Variants in WT1 observed in about 807,000 individuals in gnomAD.
The protein encoded by WT1 is WT1 transcription factor.
In WT1, 8 loss-of-function variants were observed where a neutral mutation model predicts 60.8. The ratio of observed to expected loss-of-function variants is 0.13; its 90% CI spans 0.08 to 0.24. The LOEUF (loss-of-function observed/expected upper bound fraction) is 0.24, where lower values mean the gene tolerates loss of function less well. WT1 is among the 10% of genes least tolerant of loss of function. WT1 has a pLI of 1.00. For synonymous variants in WT1, 312 were observed against 297.1 expected, an observed-to-expected ratio of 1.05 and a Z score of -0.52; for missense variants, 568 against 711.8, an observed-to-expected ratio of 0.80 and a Z score of 2.30.
chr11:32,395,042 A>T lies in WT1; in HGVS notation c.1264+1215T>A, dbSNP rs7106429. Among the ~76,000 whole-genome samples, 1,118 of 152,336 alleles carry T rather than the reference A, an allele frequency of 7.3e-3. 12 individuals carry two copies. Among genetic ancestry groups the T allele is most frequent in the African/African-American group, 0.025 (1,059 of 41,568 alleles). ...CACTGGTCCCCTCCTTTTTAGCCTC[A>T]AAGTCTGTGGCCCACTGAGTGCAAA... is the stretch of plus-strand genomic sequence containing the variant. On this transcript the variant is annotated intron_variant, in intron 7 of 9. Transcript: ENST00000452863.
In WT1 at chr11:32,428,037, G is replaced by C. The variant is rs756078681; in HGVS notation, c.806C>G (p.Pro269Arg). 4.4e-6 allele frequency: 7 copies of C among 1,608,782 alleles called. No individual in the cohort carries two copies. The Admixed American group carries it at 1.2e-4, about 27-fold the overall frequency. ...GGTGTGGCAGCCATAGACCGGGGGC[G>C]GCACCGAGTACTGCTGCTCACCTGC... is the stretch of plus-strand genomic sequence containing the variant. The change falls in exon 3 of 10, where the codon CCG becomes CGG. Residue 269 changes from proline to arginine, a missense_variant. This residue lies in a region of WT1 where 523 missense variants were observed against 565.1 expected (regional missense o/e 0.93). Coordinates refer to ENST00000452863, the MANE Select transcript of WT1 (RefSeq NM_024426.6).
chr11:32,392,518 A>G (rs1312517834), intron 8 of WT1, 148 bp downstream of exon 8: 1 of 797,276 alleles, frequency 1.3e-6, no homozygotes, highest in Non-Finnish European at 2.1e-6. Flanking sequence ...AAGAGGAGGA[A>G]CATCTCCAGA....
Position 32,388,836 on chromosome 11 carries a change from C to T in WT1, c.*222G>A. ...TTAACTAACCAGACATTGTTAGCTG[C>T]TTCTCCAGGGCCTGTGAGTCAACTA... On this transcript the variant is annotated 3_prime_UTR_variant, in exon 10 of 10. Coordinates refer to ENST00000452863, the MANE Select transcript of WT1 (RefSeq NM_024426.6). 1.4e-6 allele frequency: 1 copy of T among 721,272 alleles called. No individual in the cohort carries two copies. Among genetic ancestry groups the T allele is most frequent in the Non-Finnish European group, 2.2e-6 (1 of 451,964 alleles). The allele number at this position is 721,272 out of a possible 1,614,324, so 44.7% of individuals were successfully genotyped here. A position where few individuals can be genotyped will look rare whatever the true frequency, so the allele number is the denominator to read the frequency against.
At chr11:32,402,451 C>T (rs1406525237) in intron 5 of WT1, among the ~76,000 whole-genome samples, 1 of 152,248 alleles carries the variant, frequency 6.6e-6, no homozygotes, top group Admixed American at 6.5e-5. Context: ...CAGAATGGTG[C>T]CATGGTGCTG....
intron 1 of WT1, among the ~76,000 whole-genome samples, chr11:32,431,801 G>T (rs1322205856): frequency 6.6e-6 from 1 of 151,860 alleles, no homozygotes; most frequent in Non-Finnish European, 1.5e-5. Context: ...TCACAAACCC[G>T]TCAACCCCCA....
chr11:32,418,334 G>A (rs5030195), intron 3 of WT1, among the ~76,000 whole-genome samples: 14,588 of 151,054 alleles, frequency 0.097, 1,040 homozygotes, highest in African/African-American at 0.2. Flanking sequence ...GTCTTACACC[G>A]CTATGTAAAC....
intron 5 of WT1, among the ~76,000 whole-genome samples, chr11:32,407,242 A>C (rs1287354180): frequency 2.9e-5 from 4 of 138,576 alleles, no homozygotes; most frequent in African/African-American, 1.0e-4. Flanking sequence ...GCTCAGGAAA[A>C]ACAAAAAAAC....
At chr11:32,394,787 G>A (rs1461710926) in intron 7 of WT1, among the ~76,000 whole-genome samples, 2 of 152,230 alleles carry the variant, frequency 1.3e-5, no homozygotes, top group Non-Finnish European at 2.9e-5. Flanking sequence ...AAAGGCTCCA[G>A]TGGGTCTGGG....
At chr11:32,398,161 G>T (rs1412591389) in intron 6 of WT1, among the ~76,000 whole-genome samples, 1 of 152,112 alleles carries the variant, frequency 6.6e-6, no homozygotes. Context: ...GAAAGGCTTG[G>T]GAGTAGGGAG....
At chr11:32,416,363 A>C in intron 5 of WT1, 127 bp downstream of exon 5, 1 of 1,155,308 alleles carries the variant, frequency 8.7e-7, no homozygotes, top group Non-Finnish European at 1.3e-6. Context: ...GGCGGGGGAG[A>C]GAGATTCTTC....
rs1852772014 is a variant in WT1, at chr11:32,419,059, A to G, written c.888-1405T>C. On this transcript the variant is annotated intron_variant, in intron 3 of 9. Coordinates refer to ENST00000452863, the MANE Select transcript of WT1 (RefSeq NM_024426.6). Reference sequence around the variant, plus strand: ...TACTACAATATCCTACATATCAATGAAAAAAAATGATGAGTTTCTCCTGCA... The same window carrying G: ...TACTACAATATCCTACATATCAATGGAAAAAAATGATGAGTTTCTCCTGCA... Among the ~76,000 whole-genome samples, 4 of 152,056 alleles carry G rather than the reference A, an allele frequency of 2.6e-5. No homozygotes were observed. In the South Asian group the frequency reaches 8.3e-4, roughly 32 times the overall value.
In WT1 at chr11:32,416,327, G is replaced by A. The variant is rs549546055; in HGVS notation, c.1016+163C>T. On this transcript the variant is annotated intron_variant, in intron 5 of 9. Transcript: ENST00000452863. ...ACTCCCTCCATTTTGTCCCCAGCAT[G>A]TGTATGATGAATAAGAAGAGGTGGG... Among the ~76,000 whole-genome samples, 10 of 151,898 alleles carry A rather than the reference G, an allele frequency of 6.6e-5. No homozygotes were observed. In the South Asian group the frequency reaches 1.9e-3, roughly 29 times the overall value.
chr11:32,399,866 C>T lies in WT1; in HGVS notation c.1113+82G>A, dbSNP rs1213642011. 4 of 1,452,912 alleles carry T rather than the reference C, an allele frequency of 2.8e-6. No individual in the cohort carries two copies. In the African/African-American group the frequency reaches 5.6e-5, roughly 20 times the overall value. The allele number at this position is 1,452,912 out of a possible 1,614,324, so 90.0% of individuals were successfully genotyped here. On this transcript the variant is annotated intron_variant, in intron 6 of 9. Transcript: ENST00000452863. The stretch of plus-strand genomic sequence containing the variant: ...GAAGAGGCTGCCAGGGCCAAAGAGT[C>T]CATCAGTAAGGAACTAAAGGGCCGG...
At chr11:32,414,955 C>G (rs542547772) in intron 5 of WT1, among the ~76,000 whole-genome samples, 8 of 152,164 alleles carry the variant, frequency 5.3e-5, no homozygotes, top group Admixed American at 2.6e-4. Context: ...AAACTCTTCT[C>G]ATTTTTTTCT....
chr11:32,430,675 A>T (rs1170448019), intron 1 of WT1: 3 of 1,444,234 alleles, frequency 2.1e-6, no homozygotes, highest in Non-Finnish European at 2.7e-6. Context: ...TCCGCACCCC[A>T]GAACTCGGGC....
intron 4 of WT1, among the ~76,000 whole-genome samples, chr11:32,416,982 G>A (rs1238386802): frequency 2.0e-5 from 3 of 152,138 alleles, no homozygotes; most frequent in Admixed American, 6.5e-5. Flanking sequence ...AAAATGAAAA[G>A]TGAGCTCTTT....
Position 32,434,917 on chromosome 11 carries a change from C to T in WT1, c.444G>A (p.Glu148=), listed in dbSNP as rs761166030. The change falls in exon 1 of 10, where the codon GAG becomes GAA. Residue 148 remains glutamate, a synonymous_variant. Coordinates refer to ENST00000452863, the MANE Select transcript of WT1 (RefSeq NM_024426.6). ...GCGGCTCCGCGCCGCCCCAGCTCGG[C>T]TCCTGTTTGATGAAGGAGTGAGGCG... 3.1e-6 allele frequency: 5 copies of T among 1,608,180 alleles called. No homozygotes were observed. In the East Asian group the frequency reaches 1.1e-4, roughly 36 times the overall value.
chr11:32,398,880 G>T (rs1852055344), intron 6 of WT1, among the ~76,000 whole-genome samples: 1 of 151,278 alleles, frequency 6.6e-6, no homozygotes, highest in African/African-American at 2.4e-5. Context: ...GACCGAGCCG[G>T]GCACAGTGGC....
chr11:32,417,763 A>G (rs921929789), intron 3 of WT1, 109 bp from the exon 4 acceptor site: 16 of 887,492 alleles, frequency 1.8e-5, no homozygotes, highest in Non-Finnish European at 2.0e-5. Context: ...AAGCCTCCAC[A>G]TTTTCCAGAA....
Sources: gnomAD v4.1 joint callset for allele counts (sites outside exome capture counted in the v4.1 genomes callset) on GRCh38, gnomAD v4.1.1 for gene constraint, gnomAD v4.1.1 regional missense constraint, MANE v1.5 for transcripts, NCBI Gene and HGNC (gene_info 2026-07-23, HGNC 2026-07-21) for gene names.